The following OPCML variants were observed in gnomAD, a reference collection of about 807,000 sequenced individuals.
OPCML encodes opioid binding protein/cell adhesion molecule like, also known as opioid-binding protein/cell adhesion molecule.
In OPCML, 13 loss-of-function variants were observed where a neutral mutation model predicts 37.8. The ratio of observed to expected loss-of-function variants is 0.34; its 90% CI spans 0.22 to 0.55. OPCML has a LOEUF of 0.55. Among genes scored for constraint, OPCML ranks in the 20% least tolerant of loss-of-function variants. OPCML has a pLI of 0.91. For synonymous variants in OPCML, 176 were observed against 168.8 expected (o/e 1.04, Z -0.33); for missense variants, 341 against 435.6 (o/e 0.78, Z 1.93).
intron 1 of OPCML, chr11:133,004,471 A>T: frequency 1.0e-6 from 1 of 985,384 alleles, no homozygotes; most frequent in Non-Finnish European, 1.2e-6. Flanking sequence ...TGCTTGGTGG[A>T]GGGGACACAG....
chr11:132,899,938 A>T (rs1943989877), intron 2 of OPCML, among the ~76,000 whole-genome samples: 1 of 152,102 alleles, frequency 6.6e-6, no homozygotes, highest in African/African-American at 2.4e-5. Context: ...CCACCCCAGG[A>T]TCTCAGGCCC....
chr11:132,888,454 G>A (rs1178844352), intron 2 of OPCML, among the ~76,000 whole-genome samples: 3 of 152,120 alleles, frequency 2.0e-5, no homozygotes, highest in African/African-American at 4.8e-5. Context: ...GAAGGAACGT[G>A]AAGGAGCCTG....
chr11:132,733,241 C>T (rs3019867), intron 2 of OPCML, among the ~76,000 whole-genome samples: 45,923 of 151,716 alleles, frequency 0.3, 7,063 homozygotes, highest in Admixed American at 0.35. Context: ...ATGGAAGCCA[C>T]ATGACTCAGG....
intron 7 of OPCML, among the ~76,000 whole-genome samples, chr11:132,422,873 G>T (rs558598887): frequency 1.3e-5 from 2 of 152,326 alleles, no homozygotes; most frequent in African/African-American, 4.8e-5. Context: ...TGGTGTGAGA[G>T]AAACAATGGA....
chr11:132,662,281 C>T (rs945156528), intron 2 of OPCML, among the ~76,000 whole-genome samples: 1 of 152,144 alleles, frequency 6.6e-6, no homozygotes, highest in Non-Finnish European at 1.5e-5. Context: ...GAGAACCACT[C>T]ACTGCCTTAA....
chr11:133,235,066 G>T (rs1940450051), intron 1 of OPCML, among the ~76,000 whole-genome samples: 1 of 152,164 alleles, frequency 6.6e-6, no homozygotes, highest in South Asian at 2.1e-4. Context: ...TGTGCACCGA[G>T]ATAAGGGTAA....
At position 133,416,486 on chromosome 11, in the gene OPCML, C is replaced by T. The variant is rs552913727; in HGVS notation, c.61+115778G>A. Among the ~76,000 whole-genome samples, 154 of 152,328 alleles carry T rather than the reference C, an allele frequency of 1.0e-3. 1 individual carries two copies. Among genetic ancestry groups the T allele is most frequent in the African/African-American group, 3.6e-3 (150 of 41,560 alleles). On this transcript the variant is annotated intron_variant, in intron 1 of 7. Coordinates refer to ENST00000524381, the MANE Select transcript of OPCML (RefSeq NM_001012393.5). ...TCAGACCTCACCTCCTCTGGGAAGC[C>T]ACCTCTAACACCTTGCCAGTGTGCC...
Position 132,477,581 on chromosome 11 carries a change from C to T in OPCML, c.506-40222G>A, listed in dbSNP as rs192192166. On this transcript the variant is annotated intron_variant, in intron 4 of 7. Transcript: ENST00000524381. ...GGCTAAGAGAAGAGGGCAAAGCTGT[C>T]CCTGTTTTTAAATGTAAGATTGAGA... is the stretch of plus-strand genomic sequence containing the variant. Among the ~76,000 whole-genome samples, 36 of 152,310 alleles carry T rather than the reference C, an allele frequency of 2.4e-4. No homozygotes were observed. The East Asian group carries it at 6.2e-3, about 26-fold the overall frequency.
At chr11:132,646,005 G>C (rs1191831763) in intron 3 of OPCML, among the ~76,000 whole-genome samples, 1 of 152,196 alleles carries the variant, frequency 6.6e-6, no homozygotes, top group South Asian at 2.1e-4. Flanking sequence ...CTGGGCAGCG[G>C]GGATTACACA....
intron 3 of OPCML, among the ~76,000 whole-genome samples, chr11:132,592,295 T>C (rs1327809366): frequency 3.3e-5 from 5 of 152,146 alleles, no homozygotes; most frequent in African/African-American, 1.2e-4. Context: ...GACCAGTTCA[T>C]TGCTGTACCT....
chr11:132,572,151 T>C lies in OPCML; in HGVS notation c.380-42965A>G, dbSNP rs372352524. On this transcript the variant is annotated intron_variant, in intron 3 of 7. Transcript: ENST00000524381. ...TATTGAGTTGTACGAGTTCTTTACA[T>C]ATTAATATTTTTAGAGATTAACCCT... Among the ~76,000 whole-genome samples, 18 of 151,978 alleles carry C rather than the reference T, an allele frequency of 1.2e-4. No individual in the cohort carries two copies. The South Asian group carries it at 1.7e-3, about 14-fold the overall frequency.
At chr11:133,215,217 T>TGA (rs139928448) in intron 1 of OPCML, among the ~76,000 whole-genome samples, 169 of 150,912 alleles carry the variant, frequency 1.1e-3, no homozygotes, top group African/African-American at 3.5e-3. Flanking sequence ...TGTGTGTGTG[T>TGA]GAGAGAGAGA....
At chr11:132,424,662 C>T (rs1202648287) in intron 7 of OPCML, among the ~76,000 whole-genome samples, 2 of 152,112 alleles carry the variant, frequency 1.3e-5, no homozygotes, top group Non-Finnish European at 2.9e-5. Context: ...TGTGGGTTGC[C>T]AGCTCTGTGA....
intron 2 of OPCML, among the ~76,000 whole-genome samples, chr11:132,722,727 G>T (rs1291137663): frequency 2.6e-5 from 4 of 152,086 alleles, no homozygotes; most frequent in Non-Finnish European, 5.9e-5. Context: ...TGGGTCAACT[G>T]CCAGCCCTCC....
At chr11:132,793,942 G>A (rs774810825) in intron 2 of OPCML, among the ~76,000 whole-genome samples, 2 of 152,184 alleles carry the variant, frequency 1.3e-5, no homozygotes, top group African/African-American at 2.4e-5. Flanking sequence ...ATTCCCTGCC[G>A]TGACCCCCAT....
At chr11:133,256,853 A>G (rs1270086384) in intron 1 of OPCML, among the ~76,000 whole-genome samples, 2 of 152,230 alleles carry the variant, frequency 1.3e-5, no homozygotes, top group Non-Finnish European at 1.5e-5. Flanking sequence ...AATTCTCCAA[A>G]CATTTATTGT....
intron 1 of OPCML, among the ~76,000 whole-genome samples, chr11:133,406,041 C>T (rs1346193085): frequency 2.0e-5 from 3 of 152,134 alleles, no homozygotes; most frequent in Admixed American, 6.6e-5. Context: ...TGTAATCAGT[C>T]GGTCCACTGG....
At chr11:132,596,222 C>G (rs1477650542) in intron 3 of OPCML, among the ~76,000 whole-genome samples, 2 of 152,100 alleles carry the variant, frequency 1.3e-5, no homozygotes, top group Non-Finnish European at 2.9e-5. Context: ...TAAAATTTGG[C>G]TACTGTTATT....
intron 2 of OPCML, among the ~76,000 whole-genome samples, chr11:132,716,630 C>A (rs1944504418): frequency 6.6e-6 from 1 of 152,178 alleles, no homozygotes; most frequent in South Asian, 2.1e-4. Context: ...GCAAAATGTA[C>A]TCTTCCTATT....
Sources: allele counts gnomAD v4.1 joint callset (sites outside exome capture counted in the v4.1 genomes callset), GRCh38; gene constraint gnomAD v4.1.1; transcripts MANE v1.5; gene names NCBI Gene and HGNC (gene_info 2026-07-23, HGNC 2026-07-21).